TMEM132E: variants seen among roughly 807,000 people sequenced by gnomAD.
TMEM132E encodes the protein transmembrane protein 132E.
TMEM132E carries 49 observed loss-of-function variants against 78.5 expected under a neutral mutation model. The observed-to-expected ratio is 0.62, with a 90% CI of 0.50 to 0.79. TMEM132E has a LOEUF of 0.79. TMEM132E is among the 30% of genes least tolerant of loss of function. The probability of loss-of-function intolerance (pLI) is 0.00; values close to 1 mark genes in which losing one functional copy is unlikely to be tolerated. For missense variants in TMEM132E, 1,403 were observed against 1,470.9 expected (o/e 0.95, Z 0.75); for synonymous variants, 715 against 670.6 (o/e 1.07, Z -1.02).
At chr17:34,617,349 C>T (rs1209469346) in intron 1 of TMEM132E, among the ~76,000 whole-genome samples, 2 of 152,232 alleles carry the variant, frequency 1.3e-5, no homozygotes, top group Non-Finnish European at 2.9e-5. Context: ...GCCTTTGGGA[C>T]ACTGCTCCAT....
Position 34,634,666 on chromosome 17 carries a change from G to A in TMEM132E, c.1689-133G>A, listed in dbSNP as rs73285803. On this transcript the variant is annotated intron_variant, in intron 6 of 8. Transcript: ENST00000631683. ...CCCAACTTAGAGATGGAAGGCATGA[G>A]CCATAGAGGAAGCTTGCTTTTGCAG... 1,521 of 1,073,928 alleles carry A rather than the reference G, an allele frequency of 1.4e-3. 17 individuals carry two copies. The African/African-American group carries it at 0.022, about 15-fold the overall frequency. The allele number at this position is 1,073,928 out of a possible 1,614,324, so 66.5% of individuals were successfully genotyped here.
intron 8 of TMEM132E, among the ~76,000 whole-genome samples, chr17:34,636,529 C>T (rs1907526868): frequency 6.6e-6 from 1 of 152,166 alleles, no homozygotes; most frequent in Admixed American, 6.5e-5. Flanking sequence ...CAGGCATAGC[C>T]ACAGGATGAA....
intron 1 of TMEM132E, among the ~76,000 whole-genome samples, chr17:34,622,359 G>T (rs1434469491): frequency 6.6e-6 from 1 of 152,212 alleles, no homozygotes; most frequent in Non-Finnish European, 1.5e-5. Context: ...CTCCAATGCT[G>T]AGGAGACTGA....
At chr17:34,607,267 G>A (rs565203898) in intron 1 of TMEM132E, among the ~76,000 whole-genome samples, 1 of 152,306 alleles carries the variant, frequency 6.6e-6, no homozygotes, top group Admixed American at 6.5e-5. Flanking sequence ...TAGGGTCACT[G>A]TGCACCTCCT....
intron 8 of TMEM132E, 62 bp downstream of exon 8, chr17:34,636,260 TCTGCTTTGCCCTA>T: frequency 7.3e-7 from 1 of 1,373,398 alleles, no homozygotes; most frequent in Non-Finnish European, 9.5e-7. Context: ...ACTTGGGGGC[TCTGCTTTGCCCTA>T]GCACCAAGAG....
rs563455036 is a variant in TMEM132E, at chr17:34,621,295, G to A, written c.68-4832G>A. Among the ~76,000 whole-genome samples, 4 of 152,250 alleles carry A rather than the reference G, an allele frequency of 2.6e-5. No individual in the cohort carries two copies. The East Asian group carries it at 7.7e-4, about 29-fold the overall frequency. On this transcript the variant is annotated intron_variant, in intron 1 of 8. Coordinates refer to ENST00000631683, the MANE Select transcript of TMEM132E (RefSeq NM_001304438.2). ...CAAGGTGTCAGCAGGATTGATTTCT[G>A]GTGAGGGTTGTCTTCCTGGCTCGTA...
rs776559866 is a variant in TMEM132E at position 34,637,469 on chromosome 17, C to T, written c.2462C>T (p.Thr821Ile). Residue 821 changes from threonine (T) to isoleucine (I), a missense_variant, in exon 9 of 9, where the codon ACT becomes ATT. Thr to Ile is a moderately conservative substitution (Grantham distance 89). Around this residue, in one of 3 missense-constraint regions of TMEM132E, gnomAD observed 888 missense variants for 952.8 expected, o/e 0.93. Transcript: ENST00000631683. ...VHFGRDEEDP[T>I]YDYPGPSQPG... is the part of the protein sequence containing the mutation. Reference sequence around the variant, plus strand: ...TTTGGGAGGGACGAGGAGGACCCCACTTATGACTACCCGGGCCCCAGCCAA... The same window carrying T: ...TTTGGGAGGGACGAGGAGGACCCCATTTATGACTACCCGGGCCCCAGCCAA... 15 of 1,612,430 alleles carry T rather than the reference C, an allele frequency of 9.3e-6. No individual in the cohort carries two copies. The South Asian group carries it at 1.4e-4, about 15-fold the overall frequency.
intron 4 of TMEM132E, 92 bp from the exon 5 acceptor site, chr17:34,629,916 G>GGC: frequency 7.1e-7 from 1 of 1,404,160 alleles, no homozygotes; most frequent in Non-Finnish European, 9.5e-7. Context: ...CTGAGGAGTG[G>GGC]GGGGGGAGCG....
At chr17:34,583,656 C>T (rs4795009) in intron 1 of TMEM132E, among the ~76,000 whole-genome samples, 4,076 of 152,304 alleles carry the variant, frequency 0.027, 167 homozygotes, top group East Asian at 0.2. Flanking sequence ...ATTGAGGTCA[C>T]AGGGTTCTGA....
chr17:34,634,805 C>A lies in TMEM132E; in HGVS notation c.1695C>A (p.Val565=), dbSNP rs1907458112. ...TGGCATGTCCCCACCCCAGGTCAGT[C>A]CGGGAAAGCGAGGATGAGGATGAGG... The part of the protein sequence containing the change: ...RVPILPDRRS[V]RESEDEDEEE... The change falls in exon 7 of 9, where the codon GTC becomes GTA. Residue 565 remains valine, a synonymous_variant. Coordinates refer to ENST00000631683, the MANE Select transcript of TMEM132E (RefSeq NM_001304438.2). 1.9e-6 allele frequency: 3 copies of A among 1,612,262 alleles called. No homozygotes were observed. The South Asian group carries it at 3.3e-5, about 18-fold the overall frequency.
chr17:34,629,273 A>G, intron 4 of TMEM132E, 69 bp downstream of exon 4: 1 of 1,510,624 alleles, frequency 6.6e-7, no homozygotes, highest in Non-Finnish European at 9.0e-7. Flanking sequence ...GTGTGACAAG[A>G]ATGTGAACCA....
chr17:34,637,849 G>A lies in TMEM132E; in HGVS notation c.2842G>A (p.Gly948Arg), dbSNP rs774658642. Residue 948 changes from glycine (G) to arginine (R), a missense_variant, in exon 9 of 9, where the codon GGA (glycine) becomes AGA (arginine). By Grantham distance (125) the Gly-to-Arg change is moderately radical (BLOSUM62 -2). Around this residue, in one of 3 missense-constraint regions of TMEM132E, gnomAD observed 888 missense variants for 952.8 expected, o/e 0.93. Transcript: ENST00000631683. ...CAACGGGCAGCCGCTGCGGGTGCAA[G>A]GAGAGCTGTCGCCGCCAGCAGGCAA... ...LGNGQPLRVQ[G>R]ELSPPAGNPL... is the part of the protein sequence containing the mutation. The A allele has an allele frequency of 8.4e-5, 135 of 1,610,132 alleles. 1 individual carries two copies. In the East Asian group the frequency reaches 2.9e-3, roughly 35 times the overall value.
intron 7 of TMEM132E, among the ~76,000 whole-genome samples, chr17:34,635,611 A>T (rs1907494058): frequency 6.6e-6 from 1 of 152,248 alleles, no homozygotes; most frequent in Non-Finnish European, 1.5e-5. Context: ...TGAATCTGGT[A>T]ACAATCAGCT....
chr17:34,603,231 A>T (rs752867790), intron 1 of TMEM132E, among the ~76,000 whole-genome samples: 1 of 152,084 alleles, frequency 6.6e-6, no homozygotes, highest in Admixed American at 6.5e-5. Flanking sequence ...CAGTGTCTGT[A>T]TCAGATGTGT....
intron 1 of TMEM132E, among the ~76,000 whole-genome samples, chr17:34,610,656 G>C (rs745878991): frequency 1.0e-3 from 155 of 152,230 alleles, no homozygotes; most frequent in Non-Finnish European, 6.2e-4. Flanking sequence ...TCTTGACACT[G>C]TTGTGAGAAT....
intron 1 of TMEM132E, among the ~76,000 whole-genome samples, chr17:34,608,994 G>A (rs11657603): frequency 0.58 from 87,430 of 152,004 alleles, 26,008 homozygotes; most frequent in Admixed American, 0.71. Flanking sequence ...CAGATCCTGA[G>A]TCATTCCCAT....
chr17:34,618,814 A>G (rs898753147), intron 1 of TMEM132E, among the ~76,000 whole-genome samples: 1 of 152,192 alleles, frequency 6.6e-6, no homozygotes. Flanking sequence ...ATGATTTGGT[A>G]TCATGGGCTA....
At chr17:34,584,275 C>T (rs1450778371) in intron 1 of TMEM132E, among the ~76,000 whole-genome samples, 1 of 152,232 alleles carries the variant, frequency 6.6e-6, no homozygotes, top group Non-Finnish European at 1.5e-5. Flanking sequence ...TTTGCACCCA[C>T]CAGCCCCTCC....
intron 1 of TMEM132E, among the ~76,000 whole-genome samples, chr17:34,601,867 A>G (rs1373987961): frequency 6.6e-6 from 1 of 152,120 alleles, no homozygotes. Context: ...CACAGCTGTC[A>G]TCCCTGCCGA....
Sources: gnomAD v4.1 joint callset for allele counts (sites outside exome capture counted in the v4.1 genomes callset) on GRCh38, gnomAD v4.1.1 for gene constraint, gnomAD v4.1.1 regional missense constraint, MANE v1.5 for transcripts, NCBI Gene and HGNC (gene_info 2026-07-23, HGNC 2026-07-21) for gene names.